The following GAREM1 variants were observed in gnomAD, a reference collection of about 807,000 sequenced individuals.
The protein encoded by GAREM1 is GRB2 associated regulator of MAPK1 subtype 1.
GAREM1 carries 26 observed loss-of-function variants against 71.3 expected under a neutral mutation model. The observed-to-expected ratio is 0.36, with a 90% CI of 0.27 to 0.51. The LOEUF (loss-of-function observed/expected upper bound fraction) is 0.51, where lower values mean the gene tolerates loss of function less well. Among genes scored for constraint, GAREM1 ranks in the 20% least tolerant of loss-of-function variants. The pLI, the probability that GAREM1 is intolerant of heterozygous loss-of-function variation, is 0.95. For missense variants in GAREM1, 1,026 were observed against 1,103.1 expected, an observed-to-expected ratio of 0.93 and a Z score of 0.99; for synonymous variants, 440 against 433.2, an observed-to-expected ratio of 1.02 and a Z score of -0.20.
At chr18:32,368,702 A>G (rs2047949511) in intron 2 of GAREM1, among the ~76,000 whole-genome samples, 1 of 152,196 alleles carries the variant, frequency 6.6e-6, no homozygotes, top group African/African-American at 2.4e-5. Context: ...ACCCTCTACA[A>G]CCTTGCCCTA....
chr18:32,346,049 GA>G (rs1211801099), intron 2 of GAREM1, among the ~76,000 whole-genome samples: 1 of 151,836 alleles, frequency 6.6e-6, no homozygotes, highest in Admixed American at 6.6e-5. Flanking sequence ...TTAACTACTT[GA>G]ATATATCACG....
chr18:32,272,314 C>G (rs1405800883), intron 4 of GAREM1, among the ~76,000 whole-genome samples: 2 of 152,182 alleles, frequency 1.3e-5, no homozygotes, highest in Non-Finnish European at 2.9e-5. Flanking sequence ...TTTAAAAAGT[C>G]TTATCAACTG....
At chr18:32,289,865 G>C (rs1240101006) in intron 3 of GAREM1, among the ~76,000 whole-genome samples, 2 of 152,026 alleles carry the variant, frequency 1.3e-5, no homozygotes, top group African/African-American at 4.8e-5. Flanking sequence ...GAGAAACGCT[G>C]GTATAATTAC....
intron 2 of GAREM1, among the ~76,000 whole-genome samples, chr18:32,390,815 G>A (rs1398203247): frequency 6.6e-6 from 1 of 152,146 alleles, no homozygotes; most frequent in African/African-American, 2.4e-5. Context: ...TTTTAACCAT[G>A]GGGGAGCTTT....
chr18:32,451,884 T>C (rs2048843929), intron 1 of GAREM1, among the ~76,000 whole-genome samples: 1 of 152,196 alleles, frequency 6.6e-6, no homozygotes, highest in Non-Finnish European at 1.5e-5. Context: ...TGGATAATGA[T>C]CTTCAACATG....
chr18:32,307,197 A>G (rs899861618), intron 3 of GAREM1, among the ~76,000 whole-genome samples: 2 of 152,166 alleles, frequency 1.3e-5, no homozygotes, highest in Non-Finnish European at 2.9e-5. Flanking sequence ...ATATCAGGAT[A>G]CATATGTATA....
intron 2 of GAREM1, among the ~76,000 whole-genome samples, chr18:32,348,411 TCAAA>T (rs2047716407): frequency 1.3e-5 from 2 of 152,096 alleles, no homozygotes; most frequent in South Asian, 4.1e-4. Flanking sequence ...GCCTAGAAAG[TCAAA>T]CAAAGCCCAC....
chr18:32,412,174 C>T, intron 1 of GAREM1: 2 of 1,514,640 alleles, frequency 1.3e-6, no homozygotes, highest in Non-Finnish European at 1.8e-6. Flanking sequence ...TTCCCTGTCA[C>T]TTCTCTGGCT....
At chr18:32,336,344 G>A (rs971721278) in intron 2 of GAREM1, among the ~76,000 whole-genome samples, 4 of 151,754 alleles carry the variant, frequency 2.6e-5, no homozygotes. Flanking sequence ...GCAGGAGAAT[G>A]GCGTGAACCC....
chr18:32,424,364 A>G (rs2048553156), intron 1 of GAREM1, among the ~76,000 whole-genome samples: 1 of 152,240 alleles, frequency 6.6e-6, no homozygotes, highest in South Asian at 2.1e-4. Context: ...CCCACAGTAT[A>G]ATTTCAACTT....
At chr18:32,457,741 G>A (rs1265046745) in intron 1 of GAREM1, among the ~76,000 whole-genome samples, 1 of 152,062 alleles carries the variant, frequency 6.6e-6, no homozygotes, top group Non-Finnish European at 1.5e-5. Flanking sequence ...TTGGCAGAGT[G>A]ATATGTACTT....
At chr18:32,293,374 G>A (rs776664186) in intron 3 of GAREM1, among the ~76,000 whole-genome samples, 4 of 152,062 alleles carry the variant, frequency 2.6e-5, no homozygotes, top group Non-Finnish European at 4.4e-5. Context: ...AAAGACACAA[G>A]AACCAGCCTA....
chr18:32,392,747 A>G (rs1018228303), intron 2 of GAREM1, 148 bp downstream of exon 2: 1 of 750,760 alleles, frequency 1.3e-6, no homozygotes, highest in Non-Finnish European at 2.1e-6. Flanking sequence ...AATGAATCTG[A>G]GCTTTCACTG....
chr18:32,275,229 C>T (rs887937755), intron 4 of GAREM1, among the ~76,000 whole-genome samples: 3 of 152,092 alleles, frequency 2.0e-5, no homozygotes, highest in Non-Finnish European at 4.4e-5. Flanking sequence ...CTAGCACACC[C>T]CAGAGTAATG....
intron 2 of GAREM1, among the ~76,000 whole-genome samples, chr18:32,353,367 C>A (rs1306072613): frequency 6.6e-6 from 1 of 152,198 alleles, no homozygotes; most frequent in East Asian, 1.9e-4. Flanking sequence ...CTGAACAAGG[C>A]AGCTACTCAA....
rs764188543 is a variant in GAREM1, at chr18:32,343,009, TGTCTGACA to T, written c.263-32694_263-32687del. Among the ~76,000 whole-genome samples, 8 of 152,372 alleles carry T rather than the reference TGTCTGACA, an allele frequency of 5.3e-5. No homozygotes were observed. In the South Asian group the frequency reaches 1.7e-3, roughly 32 times the overall value. On this transcript the variant is annotated intron_variant, in intron 2 of 5. Coordinates refer to ENST00000269209, the MANE Select transcript of GAREM1 (RefSeq NM_001242409.2). ...TTTGCTAAGAGCCTTGAAGACAACATGTCTGACAGTCAGTCTCCCTGTATCTCTGATAT... is the reference window on the plus strand; with the variant it reads ...TTTGCTAAGAGCCTTGAAGACAACATGTCAGTCTCCCTGTATCTCTGATAT...
chr18:32,337,749 GT>G (rs1459130618), intron 2 of GAREM1, among the ~76,000 whole-genome samples: 1 of 152,130 alleles, frequency 6.6e-6, no homozygotes, highest in Non-Finnish European at 1.5e-5. Flanking sequence ...GTAAGACCTT[GT>G]TTTCTACTCA....
chr18:32,341,355 C>T (rs1272145049), intron 2 of GAREM1, among the ~76,000 whole-genome samples: 1 of 152,232 alleles, frequency 6.6e-6, no homozygotes, highest in Non-Finnish European at 1.5e-5. Context: ...ATATGTGCCA[C>T]ATTTTCTTAA....
At chr18:32,269,217 T>C (rs1210507581) in intron 5 of GAREM1, among the ~76,000 whole-genome samples, 3 of 152,254 alleles carry the variant, frequency 2.0e-5, no homozygotes, top group Non-Finnish European at 2.9e-5. Context: ...CCCGTGACTC[T>C]ATTTCCACCC....
Sources: gnomAD v4.1 joint callset for allele counts (sites outside exome capture counted in the v4.1 genomes callset) on GRCh38, gnomAD v4.1.1 for gene constraint, MANE v1.5 for transcripts, NCBI Gene and HGNC (gene_info 2026-07-23, HGNC 2026-07-21) for gene names.